CALCOCO2: variants seen among roughly 807,000 people sequenced by gnomAD.
CALCOCO2 encodes calcium-binding and coiled-coil domain-containing protein 2.
A neutral mutation model predicts 62.5 loss-of-function variants in CALCOCO2; 42 were observed. That is an observed-to-expected ratio of 0.67 (90% CI 0.53 to 0.87). CALCOCO2 has a LOEUF of 0.87. Ranked by LOEUF, CALCOCO2 falls within the 40% of genes least tolerant of loss-of-function variation. CALCOCO2 has a pLI of 0.00. For missense variants in CALCOCO2, 456 were observed against 515.0 expected (o/e 0.89, Z 1.11); for synonymous variants, 167 against 173.0 (o/e 0.97, Z 0.27).
intron 11 of CALCOCO2, among the ~76,000 whole-genome samples, chr17:48,860,955 A>G (rs922480743): frequency 1.3e-5 from 2 of 152,116 alleles, no homozygotes; most frequent in African/African-American, 4.8e-5. Flanking sequence ...AGCTTTTCTC[A>G]TTTGTCTCCA....
intron 7 of CALCOCO2, 185 bp downstream of exon 7, chr17:48,851,813 T>G (rs577716409): frequency 3.9e-6 from 2 of 511,612 alleles, no homozygotes; most frequent in Non-Finnish European, 7.0e-6. Flanking sequence ...ACCCTACCCA[T>G]GCCCCTGCTT....
chr17:48,862,404 AT>A, intron 12 of CALCOCO2, 100 bp downstream of exon 12: 1 of 855,756 alleles, frequency 1.2e-6, no homozygotes, highest in Non-Finnish European at 2.0e-6. Context: ...GTTCATTTTG[AT>A]AACTCCAGAA....
intron 10 of CALCOCO2, among the ~76,000 whole-genome samples, chr17:48,858,017 T>TAGA (rs1463371527): frequency 1.3e-4 from 2 of 15,568 alleles, no homozygotes; most frequent in African/African-American, 2.5e-4. Flanking sequence ...TAGAATAGAA[T>TAGA]AGAATAGAAT....
Position 48,841,886 on chromosome 17 carries a change from G to A in CALCOCO2, c.179G>A (p.Arg60Lys). The A allele has an allele frequency of 1.2e-6, 2 of 1,607,928 alleles. No homozygotes were observed. The highest frequency in any genetic ancestry group is 1.7e-6 in the Non-Finnish European group (2 of 1,176,078). ...PRRKDWIGIF[R>K]VGWKTTREYY... ...CGAAAGGATTGGATTGGCATCTTTA[G>A]AGTAAGTGGTTAATTCAGTACCAAG... Residue 60 changes from arginine to lysine, a missense_variant and splice_region_variant, in exon 2 of 13, where the codon AGA (arginine) becomes AAA (lysine). Physicochemically the swap from Arg to Lys is conservative, Grantham distance 26. This residue lies in a region of CALCOCO2 where 48 missense variants were observed against 79.3 expected (regional missense o/e 0.61). Transcript: ENST00000258947.
intron 9 of CALCOCO2, among the ~76,000 whole-genome samples, chr17:48,854,311 G>A (rs1370444407): frequency 2.1e-4 from 2 of 9,428 alleles, no homozygotes; most frequent in African/African-American, 5.1e-4. Context: ...GCGAGACTCC[G>A]TCTCAAAAAA....
At chr17:48,851,826 A>T (rs1173900232) in intron 7 of CALCOCO2, 198 bp downstream of exon 7, 79 of 178,078 alleles carry the variant, frequency 4.4e-4, no homozygotes, top group South Asian at 9.5e-4. Context: ...CCCTGCTTTT[A>T]AAAAAAAAAA....
At position 48,860,303 on chromosome 17, in the gene CALCOCO2, T is replaced by G; in HGVS notation, c.1009-11T>G. 1 of 1,612,942 alleles carries G rather than the reference T, an allele frequency of 6.2e-7. No individual in the cohort carries two copies. The highest frequency in any genetic ancestry group is 8.5e-7 in the Non-Finnish European group (1 of 1,179,128). On this transcript the variant is annotated splice_polypyrimidine_tract_variant and intron_variant, in intron 10 of 12. Coordinates refer to ENST00000258947, the MANE Select transcript of CALCOCO2 (RefSeq NM_005831.5). ...TGTCTTTCAACATGTCTATAAATCCTCTATCCTTAGCTTTTGAAGAGGGAG... is the reference window on the plus strand; with the variant it reads ...TGTCTTTCAACATGTCTATAAATCCGCTATCCTTAGCTTTTGAAGAGGGAG...
chr17:48,852,392 C>A, intron 7 of CALCOCO2, 114 bp from the exon 8 acceptor site: 2 of 819,406 alleles, frequency 2.4e-6, no homozygotes, highest in Non-Finnish European at 3.9e-6. Flanking sequence ...ACTCAGTTGG[C>A]AGTTGGGAGT....
chr17:48,851,345 CA>C, intron 6 of CALCOCO2, 168 bp downstream of exon 6: 1 of 628,286 alleles, frequency 1.6e-6, no homozygotes, highest in East Asian at 2.7e-5. Flanking sequence ...TCAGAATAGT[CA>C]GGAAAAATGA....
chr17:48,849,180 T>G, intron 4 of CALCOCO2, 72 bp from the exon 5 acceptor site: 1 of 1,483,312 alleles, frequency 6.7e-7, no homozygotes, highest in Non-Finnish European at 9.4e-7. Context: ...AGCCAGTCCC[T>G]CACCATCCTA....
At chr17:48,838,371 T>G (rs2143578042) in intron 1 of CALCOCO2, among the ~76,000 whole-genome samples, 2 of 152,272 alleles carry the variant, frequency 1.3e-5, no homozygotes, top group Non-Finnish European at 2.9e-5. Context: ...ATTTCATTTC[T>G]GCCTTTTAGT....
chr17:48,856,204 G>A lies in CALCOCO2; in HGVS notation c.1008+17G>A. 2 of 1,449,944 alleles carry A rather than the reference G, an allele frequency of 1.4e-6. No homozygotes were observed. Among genetic ancestry groups the A allele is most frequent in the Non-Finnish European group, 1.9e-6 (2 of 1,035,044 alleles). 89.8% of individuals were successfully genotyped at this position (1,449,944 alleles called of 1,614,324 possible). On this transcript the variant is annotated intron_variant, in intron 10 of 12. Transcript: ENST00000258947. Reference sequence around the variant, plus strand: ...GAAAATGATGTAAGTGTGTGAAAGAGGGTATAAAACCCCAAGGTTTTAAGG... The same window carrying A: ...GAAAATGATGTAAGTGTGTGAAAGAAGGTATAAAACCCCAAGGTTTTAAGG...
rs117327540 is a variant in CALCOCO2, at chr17:48,864,541, C to T, written c.*1536C>T. On this transcript the variant is annotated 3_prime_UTR_variant, in exon 13 of 13. Transcript: ENST00000258947. The stretch of plus-strand genomic sequence containing the variant: ...TCAGGGACTGAACAAATGGAAATAA[C>T]TCCCAGGCAGTATCAGGTGGTCACT... 9.4e-3 allele frequency: 1,441 copies of T among 152,768 alleles called. 10 individuals are homozygous for T. The highest frequency in any genetic ancestry group is 0.014 in the Non-Finnish European group (953 of 68,198). The allele number at this position is 152,768 out of a possible 1,614,324, so 9.5% of individuals were successfully genotyped here.
chr17:48,852,704 T>A, intron 8 of CALCOCO2, 76 bp downstream of exon 8: 15 of 1,323,674 alleles, frequency 1.1e-5, no homozygotes, highest in Non-Finnish European at 1.5e-5. Flanking sequence ...AAAGAACATT[T>A]TAATGTTCTT....
intron 2 of CALCOCO2, among the ~76,000 whole-genome samples, chr17:48,845,164 C>G (rs934697258): frequency 6.6e-6 from 1 of 151,764 alleles, no homozygotes; most frequent in East Asian, 2.0e-4. Flanking sequence ...AAAGATGTAT[C>G]TATATTTGGA....
chr17:48,852,198 C>A, intron 7 of CALCOCO2: 1 of 229,214 alleles, frequency 4.4e-6, no homozygotes, highest in South Asian at 7.7e-5. Flanking sequence ...TCATGTATTA[C>A]TAAGGTAGTT....
chr17:48,846,287 C>T (rs1442413793), intron 2 of CALCOCO2, among the ~76,000 whole-genome samples: 1 of 152,080 alleles, frequency 6.6e-6, no homozygotes, highest in African/African-American at 2.4e-5. Context: ...AGGCATGCAC[C>T]ACTGTGCCCA....
At chr17:48,862,722 C>A (rs2040345541) in intron 12 of CALCOCO2, 116 bp from the exon 13 acceptor site, 3 of 798,148 alleles carry the variant, frequency 3.8e-6, no homozygotes, top group South Asian at 1.6e-5. Flanking sequence ...TTCTTGAGTG[C>A]CTAACCATGT....
chr17:48,852,529 A>G lies in CALCOCO2; in HGVS notation c.726A>G (p.Lys242=), dbSNP rs1456643791. Residue 242 remains lysine (K), a synonymous_variant, in exon 8 of 13, where the codon AAA becomes AAG. Transcript: ENST00000258947. ...QLQAQLSTQE[K]EMEKLVQGDQ... ...AGGCCCAGCTGTCAACTCAAGAGAA[A>G]GAAATGGAGAAGCTTGTTCAGGGAG... 5 of 1,613,648 alleles carry G rather than the reference A, an allele frequency of 3.1e-6. No individual in the cohort carries two copies. The highest frequency in any genetic ancestry group is 3.4e-6 in the Non-Finnish European group (4 of 1,179,708).
Sources: allele counts gnomAD v4.1 joint callset (sites outside exome capture counted in the v4.1 genomes callset), GRCh38; gene constraint gnomAD v4.1.1; regional missense constraint gnomAD v4.1.1; transcripts MANE v1.5; gene names NCBI Gene and HGNC (gene_info 2026-07-23, HGNC 2026-07-21).